RPA1: variants seen among roughly 807,000 people sequenced by gnomAD.
RPA1 encodes the protein replication protein A1, also known as replication protein A 70 kDa DNA-binding subunit.
RPA1 carries 49 observed loss-of-function variants against 83.0 expected under a neutral mutation model. The observed-to-expected ratio is 0.59, with a 90% CI of 0.47 to 0.75. The LOEUF (loss-of-function observed/expected upper bound fraction) is 0.75. Among genes scored for constraint, RPA1 ranks in the 30% least tolerant of loss-of-function variants. RPA1 has a pLI of 0.00. For missense variants in RPA1, 693 were observed against 776.1 expected, an observed-to-expected ratio of 0.89 and a Z score of 1.27; for synonymous variants, 279 against 281.8, an observed-to-expected ratio of 0.99 and a Z score of 0.10.
intron 4 of RPA1, among the ~76,000 whole-genome samples, chr17:1,850,601 A>C (rs2042306641): frequency 6.7e-6 from 1 of 149,764 alleles, no homozygotes; most frequent in African/African-American, 2.5e-5. Flanking sequence ...ATCCTGCCTT[A>C]AAAAAAAATC....
In RPA1 at chr17:1,872,708, C is replaced by CTT. The variant is rs34892322; in HGVS notation, c.454+202_454+203dup. Among the ~76,000 whole-genome samples the CTT allele has an allele frequency of 6.8e-3, 770 of 112,984 alleles. 20 individuals are homozygous for CTT. In the East Asian group the frequency reaches 0.09, roughly 13 times the overall value. The allele number at this position is 112,984 out of a possible 152,430, so 74.1% of individuals were successfully genotyped here. Reference sequence around the variant, plus strand: ...GATTGAAAAAATAATTAAAGATTGTCTTTTTTTTTTTTTTTTTTTTTGGAA... The same window carrying CTT: ...GATTGAAAAAATAATTAAAGATTGTCTTTTTTTTTTTTTTTTTTTTTTTGGAA... On this transcript the variant is annotated intron_variant, in intron 6 of 16. Coordinates refer to ENST00000254719, the MANE Select transcript of RPA1 (RefSeq NM_002945.5).
intron 5 of RPA1, among the ~76,000 whole-genome samples, chr17:1,856,298 A>AT (rs1400727033): frequency 5.0e-5 from 7 of 139,588 alleles, no homozygotes; most frequent in South Asian, 2.1e-4. Flanking sequence ...GTGAGACCCC[A>AT]TAAAAAAAAA....
Position 1,833,833 on chromosome 17 carries a change from A to G in RPA1, c.33+3707A>G, listed in dbSNP as rs548335112. ...CGCACCATTGCACTCCAGCAACAAG[A>G]GCAAAACTCCATCTCAAAAGAAAAA... On this transcript the variant is annotated intron_variant, in intron 1 of 16. Coordinates refer to ENST00000254719, the MANE Select transcript of RPA1 (RefSeq NM_002945.5). 1.1e-4 allele frequency among the ~76,000 whole-genome samples: 17 copies of G among 151,764 alleles called. No homozygotes were observed. In the South Asian group the frequency reaches 1.5e-3, roughly 13 times the overall value.
intron 6 of RPA1, among the ~76,000 whole-genome samples, chr17:1,873,325 T>C (rs1181856373): frequency 6.6e-6 from 1 of 152,216 alleles, no homozygotes; most frequent in African/African-American, 2.4e-5. Flanking sequence ...GAGGCATTAA[T>C]GGAATCATTT....
intron 1 of RPA1, among the ~76,000 whole-genome samples, chr17:1,831,593 C>T (rs945088005): frequency 1.3e-5 from 2 of 150,932 alleles, no homozygotes; most frequent in African/African-American, 2.4e-5. Context: ...TCCATGGGGC[C>T]TTTGAACTTT....
chr17:1,851,325 GT>G (rs1222711766), intron 4 of RPA1, among the ~76,000 whole-genome samples: 3 of 151,918 alleles, frequency 2.0e-5, no homozygotes, highest in South Asian at 2.1e-4. Context: ...TCCAAAATAA[GT>G]TTCCTGTGAC....
intron 3 of RPA1, 105 bp from the exon 4 acceptor site, chr17:1,844,473 G>A: frequency 1.3e-6 from 1 of 754,452 alleles, no homozygotes; most frequent in Non-Finnish European, 2.2e-6. Flanking sequence ...TTTAATTTCA[G>A]GAGCATATGT....
intron 5 of RPA1, among the ~76,000 whole-genome samples, chr17:1,867,973 G>C (rs1913240222): frequency 6.6e-6 from 1 of 151,756 alleles, no homozygotes; most frequent in African/African-American, 2.4e-5. Context: ...AGTTCCACCT[G>C]CCGGGGAGGC....
In RPA1 at chr17:1,899,789, A is replaced by G. The variant is rs902698976; in HGVS notation, c.*2614A>G. On this transcript the variant is annotated 3_prime_UTR_variant, in exon 17 of 17. Transcript: ENST00000254719. ...TGTTTCTTTGGCAATATGCCGCCCA[A>G]GGTTTTATTTATAGAGGATGAAACA... 11 of 152,294 alleles carry G rather than the reference A, an allele frequency of 7.2e-5. No homozygotes were observed. In the East Asian group the frequency reaches 1.9e-3, roughly 27 times the overall value. 9.4% of individuals were successfully genotyped at this position (152,294 alleles called of 1,614,324 possible).
intron 7 of RPA1, 129 bp downstream of exon 7, chr17:1,875,922 C>CT (rs371878374): frequency 0.053 from 28,651 of 540,686 alleles, 74 homozygotes; most frequent in African/African-American, 0.061. Context: ...TGGGTTTACT[C>CT]TTTTTTTTTT....
intron 6 of RPA1, among the ~76,000 whole-genome samples, chr17:1,874,012 A>AAAAAATATATATATATATAT (rs1555592994): frequency 1.1e-5 from 1 of 93,866 alleles, no homozygotes; most frequent in African/African-American, 5.1e-5. Flanking sequence ...AAAAAAAAAA[A>AAAAAATATATATATATATAT]ATATATATAT....
intron 16 of RPA1, among the ~76,000 whole-genome samples, chr17:1,895,483 G>A (rs532834055): frequency 1.4e-4 from 21 of 151,506 alleles, no homozygotes; most frequent in Non-Finnish European, 2.4e-4. Context: ...TGAGCCGGGC[G>A]TGGTGGTGTG....
chr17:1,832,922 GTGTT>G lies in RPA1; in HGVS notation c.33+2814_33+2817del, dbSNP rs201795072. Reference sequence around the variant, plus strand: ...TTCTTTTTAAAATTTTAAAATTATTGTGTTTGTTTGTTTGTTTGTTTTGAGACAG... The same window carrying G: ...TTCTTTTTAAAATTTTAAAATTATTGTGTTTGTTTGTTTGTTTTGAGACAG... On this transcript the variant is annotated intron_variant, in intron 1 of 16. Coordinates refer to ENST00000254719, the MANE Select transcript of RPA1 (RefSeq NM_002945.5). Among the ~76,000 whole-genome samples the G allele has an allele frequency of 9.8e-3, 1,488 of 151,742 alleles. 20 individuals carry two copies. The highest frequency in any genetic ancestry group is 0.032 in the African/African-American group (1,333 of 41,362).
chr17:1,868,488 TG>T (rs2151282386), intron 5 of RPA1, among the ~76,000 whole-genome samples: 1 of 152,230 alleles, frequency 6.6e-6, no homozygotes, highest in South Asian at 2.1e-4. Context: ...GAAATTGTCT[TG>T]GCGGGGCACG....
intron 5 of RPA1, chr17:1,858,379 C>T: frequency 6.2e-7 from 1 of 1,601,688 alleles, no homozygotes; most frequent in Non-Finnish European, 8.5e-7. Context: ...ATTTCTGATA[C>T]AGAGCTGAGG....
chr17:1,869,055 G>C (rs1913285637), intron 5 of RPA1, among the ~76,000 whole-genome samples: 1 of 152,204 alleles, frequency 6.6e-6, no homozygotes. Context: ...TTATTGGATT[G>C]ACTCTTCTAC....
At chr17:1,896,413 C>G (rs1914426700) in intron 16 of RPA1, among the ~76,000 whole-genome samples, 2 of 152,104 alleles carry the variant, frequency 1.3e-5, no homozygotes, top group Admixed American at 1.3e-4. Flanking sequence ...AACGCCCCTG[C>G]TGATTGCAGG....
At chr17:1,874,012 A>AAAAAAAATAT (rs1555592994) in intron 6 of RPA1, among the ~76,000 whole-genome samples, 1 of 93,844 alleles carries the variant, frequency 1.1e-5, no homozygotes, top group African/African-American at 5.1e-5. Context: ...AAAAAAAAAA[A>AAAAAAAATAT]ATATATATAT....
At chr17:1,838,510 G>A (rs1348682395) in intron 1 of RPA1, among the ~76,000 whole-genome samples, 1 of 151,312 alleles carries the variant, frequency 6.6e-6, no homozygotes. Context: ...GGCTGAGTCA[G>A]GAGAATTACT....
Sources: gnomAD v4.1 joint callset for allele counts (sites outside exome capture counted in the v4.1 genomes callset) on GRCh38, gnomAD v4.1.1 for gene constraint, MANE v1.5 for transcripts, NCBI Gene and HGNC (gene_info 2026-07-23, HGNC 2026-07-21) for gene names.